The following LRRC37A2 variants were observed in gnomAD, a reference collection of about 807,000 sequenced individuals.
LRRC37A2 encodes the protein leucine rich repeat containing 37 member A2, also known as leucine-rich repeat-containing protein 37A2.
In LRRC37A2, 9 loss-of-function variants were observed where a neutral mutation model predicts 68.8. That is an observed-to-expected ratio of 0.13 (90% CI 0.08 to 0.23). LRRC37A2 has a LOEUF of 0.23. LRRC37A2 is among the 10% of genes least tolerant of loss of function. The pLI is 1.00. For synonymous variants in LRRC37A2, 63 were observed against 367.6 expected (o/e 0.17, Z 9.48); for missense variants, 168 against 950.4 (o/e 0.18, Z 10.82).
At chr17:46,938,961 A>G in the LRRC37A2 span, 28 of 1,462,910 alleles carry the variant, frequency 1.9e-5, no homozygotes, top group Non-Finnish European at 2.4e-5. Context: ...TGCCACCACC[A>G]TGCGCGGTGC....
chr17:46,826,307 T>A, the LRRC37A2 span, among the ~76,000 whole-genome samples: 1 of 152,200 alleles, frequency 6.6e-6, no homozygotes, highest in South Asian at 2.1e-4. Flanking sequence ...CCTAATCACA[T>A]GGATGGAGGC....
chr17:46,788,493 G>T, the LRRC37A2 span, among the ~76,000 whole-genome samples: 1 of 152,102 alleles, frequency 6.6e-6, no homozygotes, highest in African/African-American at 2.4e-5. Context: ...CCTCTTGTTC[G>T]CTTCTGACTC....
At chr17:47,010,801 T>G in the LRRC37A2 span, 1 of 152,234 alleles carries the variant, frequency 6.6e-6, no homozygotes. Context: ...GGAACACACC[T>G]TCTGGAACCA....
Position 46,545,070 on chromosome 17 carries a change from C to T in LRRC37A2, c.3054-1185C>T, listed in dbSNP as rs112703365. Among the ~76,000 whole-genome samples, 14 of 136,676 alleles carry T rather than the reference C, an allele frequency of 1.0e-4. No individual in the cohort carries two copies. The East Asian group carries it at 1.1e-3, about 11-fold the overall frequency. The allele number at this position is 136,676 out of a possible 152,430, so 89.7% of individuals were successfully genotyped here. On this transcript the variant is annotated intron_variant, in intron 8 of 14. Coordinates refer to ENST00000576629, the Ensembl canonical transcript of LRRC37A2. ...CATAGGTGATGTATCCTTCCTGCCT[C>T]GTAACCGCAGATGGCCTGTAATACT...
the LRRC37A2 span, among the ~76,000 whole-genome samples, chr17:46,823,118 A>G: frequency 7.4e-6 from 1 of 134,930 alleles, no homozygotes; most frequent in Non-Finnish European, 1.5e-5. Flanking sequence ...CATATATTAT[A>G]TATTATATAT....
chr17:46,947,950 ACTAGAGACAGAGTTTCACCATGTTGG>A, the LRRC37A2 span, among the ~76,000 whole-genome samples: 5 of 152,028 alleles, frequency 3.3e-5, no homozygotes, highest in African/African-American at 1.2e-4. Flanking sequence ...TCGTGTTTTT[ACTAGAGACAGAGTTTCACCATGTTGG>A]CCAGGCTGGT....
the LRRC37A2 span, among the ~76,000 whole-genome samples, chr17:46,788,802 G>A: frequency 2.0e-5 from 3 of 152,042 alleles, no homozygotes; most frequent in African/African-American, 4.8e-5. Flanking sequence ...CCCACTGAGT[G>A]CCCAGTCCTT....
At chr17:47,043,501 G>GAAA in the LRRC37A2 span, among the ~76,000 whole-genome samples, 10 of 145,300 alleles carry the variant, frequency 6.9e-5, no homozygotes, top group Admixed American at 1.4e-4. Flanking sequence ...TCCATCTCAG[G>GAAA]AAAAAAAAAA....
At chr17:46,771,700 G>T in the LRRC37A2 span, among the ~76,000 whole-genome samples, 3 of 143,620 alleles carry the variant, frequency 2.1e-5, no homozygotes, top group African/African-American at 7.5e-5. Flanking sequence ...CCGCGGCCGG[G>T]CCGCGCCCCC....
chr17:46,868,287 T>C, the LRRC37A2 span, among the ~76,000 whole-genome samples: 1 of 152,194 alleles, frequency 6.6e-6, no homozygotes, highest in African/African-American at 2.4e-5. Flanking sequence ...TAAGGCAGCA[T>C]CTTCATTAAG....
chr17:46,821,588 C>T, the LRRC37A2 span, among the ~76,000 whole-genome samples: 1 of 152,190 alleles, frequency 6.6e-6, no homozygotes, highest in Non-Finnish European at 1.5e-5. Context: ...AGGCATCAGC[C>T]GGTGGACCAG....
the LRRC37A2 span, among the ~76,000 whole-genome samples, chr17:46,899,504 A>G: frequency 6.6e-6 from 1 of 152,220 alleles, no homozygotes; most frequent in Admixed American, 6.5e-5. Flanking sequence ...TAAGTGAAAG[A>G]AGCCAGACAC....
At chr17:46,934,980 G>A in the LRRC37A2 span, 4 of 1,575,122 alleles carry the variant, frequency 2.5e-6, no homozygotes, top group Non-Finnish European at 3.5e-6. Flanking sequence ...GAGACCCCAG[G>A]AACTGACTGA....
chr17:46,893,048 C>G, the LRRC37A2 span, among the ~76,000 whole-genome samples: 1 of 152,010 alleles, frequency 6.6e-6, no homozygotes, highest in Non-Finnish European at 1.5e-5. Context: ...ATTCTTATGG[C>G]TCAGCCTCCT....
At chr17:46,725,028 T>A in the LRRC37A2 span, among the ~76,000 whole-genome samples, 1 of 152,214 alleles carries the variant, frequency 6.6e-6, no homozygotes, top group Admixed American at 6.5e-5. Flanking sequence ...AGGCATTATA[T>A]TAAATGATAT....
the LRRC37A2 span, among the ~76,000 whole-genome samples, chr17:46,869,399 C>G: frequency 1.3e-5 from 2 of 152,314 alleles, no homozygotes; most frequent in Admixed American, 1.3e-4. Context: ...GGGTCTCTTC[C>G]CCTGGGCATC....
chr17:46,667,466 T>C, the LRRC37A2 span, among the ~76,000 whole-genome samples: 555 of 144,718 alleles, frequency 3.8e-3, 23 homozygotes, highest in African/African-American at 0.013. Flanking sequence ...TTTTCTTTTT[T>C]TTTTTTTTTT....
At chr17:46,839,946 TTC>T in the LRRC37A2 span, among the ~76,000 whole-genome samples, 1 of 149,950 alleles carries the variant, frequency 6.7e-6, no homozygotes, top group Non-Finnish European at 1.5e-5. Context: ...CTTTCTTTCT[TTC>T]TTTCTTTCTT....
the LRRC37A2 span, among the ~76,000 whole-genome samples, chr17:46,753,432 A>G: frequency 1.3e-5 from 2 of 152,202 alleles, no homozygotes; most frequent in Non-Finnish European, 2.9e-5. Flanking sequence ...CAGATGGACT[A>G]TTTTTAAGTC....
Sources: gnomAD v4.1 joint callset for allele counts (sites outside exome capture counted in the v4.1 genomes callset) on GRCh38, gnomAD v4.1.1 for gene constraint, MANE v1.5 for transcripts, NCBI Gene and HGNC (gene_info 2026-07-23, HGNC 2026-07-21) for gene names.